Variants in SCFD2 observed in about 807,000 individuals in gnomAD.
The protein encoded by SCFD2 is sec1 family domain containing 2.
SCFD2 carries 54 observed loss-of-function variants against 58.9 expected under a neutral mutation model. That is an observed-to-expected ratio of 0.92 (90% confidence interval 0.74 to 1.15). The LOEUF is 1.15. Among genes scored for constraint, SCFD2 ranks in the 50% most tolerant of loss-of-function variants. The probability of loss-of-function intolerance (pLI) is 0.00; values close to 1 mark genes in which losing one functional copy is unlikely to be tolerated. For synonymous variants in SCFD2, 321 were observed against 335.9 expected, an observed-to-expected ratio of 0.96 and a Z score of 0.49; for missense variants, 805 against 836.6, an observed-to-expected ratio of 0.96 and a Z score of 0.47.
intron 4 of SCFD2, among the ~76,000 whole-genome samples, chr4:53,258,905 ATT>A (rs1288884146): frequency 4.9e-4 from 75 of 151,918 alleles, no homozygotes; most frequent in African/African-American, 1.7e-3. Context: ...TTATTTTTTT[ATT>A]ATGGCCATTC....
In SCFD2 at chr4:53,104,202, G is replaced by A. The variant is rs150380980; in HGVS notation, c.1561+41131C>T. Reference sequence around the variant, plus strand: ...GAGTAATTGTACAGTAGAGAAAACTGAAAAATGCTTCTTCAGCCAGGTGAT... The same window carrying A: ...GAGTAATTGTACAGTAGAGAAAACTAAAAAATGCTTCTTCAGCCAGGTGAT... On this transcript the variant is annotated intron_variant, in intron 5 of 8. Coordinates refer to ENST00000401642, the MANE Select transcript of SCFD2 (RefSeq NM_152540.4). Among the ~76,000 whole-genome samples, 766 of 152,184 alleles carry A rather than the reference G, an allele frequency of 5.0e-3. 6 individuals carry two copies. Among genetic ancestry groups the A allele is most frequent in the African/African-American group, 0.017 (722 of 41,518 alleles).
At chr4:53,249,188 C>T (rs1317349878) in intron 4 of SCFD2, among the ~76,000 whole-genome samples, 1 of 152,044 alleles carries the variant, frequency 6.6e-6, no homozygotes, top group Non-Finnish European at 1.5e-5. Context: ...ATGAGATAAA[C>T]TGGAAGAAAG....
chr4:53,363,838 A>AG (rs1443114863), intron 1 of SCFD2, among the ~76,000 whole-genome samples: 1 of 151,834 alleles, frequency 6.6e-6, no homozygotes, highest in Non-Finnish European at 1.5e-5. Context: ...AAAAAAAAAA[A>AG]AAAAAAGCAT....
intron 4 of SCFD2, among the ~76,000 whole-genome samples, chr4:53,228,848 A>T (rs1246852135): frequency 2.0e-5 from 3 of 152,250 alleles, no homozygotes; most frequent in Non-Finnish European, 4.4e-5. Context: ...TTTGCAGATG[A>T]CATGATTGTA....
chr4:53,249,082 T>C (rs1406866261), intron 4 of SCFD2, among the ~76,000 whole-genome samples: 3 of 152,076 alleles, frequency 2.0e-5, no homozygotes, highest in East Asian at 3.9e-4. Flanking sequence ...TTGTATTAAA[T>C]AGAATAACCA....
Position 53,271,611 on chromosome 4 carries a change from C to T in SCFD2, c.1311+2215G>A, listed in dbSNP as rs569897868. Among the ~76,000 whole-genome samples the T allele has an allele frequency of 7.9e-5, 12 of 151,948 alleles. No homozygotes were observed. In the East Asian group the frequency reaches 9.7e-4, roughly 12 times the overall value. Reference sequence around the variant, plus strand: ...CCGAGTAGCTGGGACTACAGAGGACCGCCACCACACCCAGCTAATTTTTGT... The same window carrying T: ...CCGAGTAGCTGGGACTACAGAGGACTGCCACCACACCCAGCTAATTTTTGT... On this transcript the variant is annotated intron_variant, in intron 4 of 8. Transcript: ENST00000401642.
intron 4 of SCFD2, among the ~76,000 whole-genome samples, chr4:53,226,965 C>T (rs1217016275): frequency 6.6e-6 from 1 of 152,164 alleles, no homozygotes; most frequent in African/African-American, 2.4e-5. Flanking sequence ...AAAAAGGTAT[C>T]CCTAATGAGG....
At chr4:53,307,531 T>C (rs1732554577) in intron 3 of SCFD2, among the ~76,000 whole-genome samples, 1 of 152,150 alleles carries the variant, frequency 6.6e-6, no homozygotes, top group South Asian at 2.1e-4. Flanking sequence ...TCAGAAGACA[T>C]TAAACACACC....
intron 4 of SCFD2, among the ~76,000 whole-genome samples, chr4:53,165,836 A>G (rs1726990783): frequency 6.6e-6 from 1 of 152,262 alleles, no homozygotes; most frequent in Non-Finnish European, 1.5e-5. Context: ...GGATGACTGA[A>G]TAAATGAAGT....
intron 3 of SCFD2, among the ~76,000 whole-genome samples, chr4:53,305,223 G>T (rs1171466687): frequency 6.6e-6 from 1 of 151,804 alleles, no homozygotes; most frequent in Admixed American, 6.6e-5. Context: ...CATTGCCAAC[G>T]CCAGTGTCAG....
At chr4:53,031,729 T>C (rs1722619884) in intron 5 of SCFD2, among the ~76,000 whole-genome samples, 1 of 151,758 alleles carries the variant, frequency 6.6e-6, no homozygotes, top group Non-Finnish European at 1.5e-5. Context: ...TAAGACAAGA[T>C]TAGAGAAAAA....
At chr4:52,976,442 C>T (rs1335194117) in intron 5 of SCFD2, among the ~76,000 whole-genome samples, 1 of 152,164 alleles carries the variant, frequency 6.6e-6, no homozygotes, top group Non-Finnish European at 1.5e-5. Context: ...CAAGCTTTCT[C>T]TTTAATCACA....
chr4:52,944,543 T>C (rs1264087622), intron 5 of SCFD2, among the ~76,000 whole-genome samples: 1 of 152,188 alleles, frequency 6.6e-6, no homozygotes, highest in Non-Finnish European at 1.5e-5. Flanking sequence ...TGTAAAGAGA[T>C]AGATGTCATG....
intron 4 of SCFD2, among the ~76,000 whole-genome samples, chr4:53,211,695 G>A (rs1418375101): frequency 2.6e-5 from 4 of 152,038 alleles, no homozygotes; most frequent in Non-Finnish European, 5.9e-5. Context: ...AAATCCCCAC[G>A]CATTTGGTCA....
intron 4 of SCFD2, among the ~76,000 whole-genome samples, chr4:53,269,249 C>T (rs1234959627): frequency 1.3e-5 from 2 of 152,024 alleles, no homozygotes; most frequent in African/African-American, 2.4e-5. Context: ...CACTTGAGCC[C>T]GGGATGTCGA....
rs549414660 is a variant in SCFD2 at position 53,063,252 on chromosome 4, A to T, written c.1561+82081T>A. 1.9e-4 allele frequency among the ~76,000 whole-genome samples: 29 copies of T among 152,252 alleles called. No individual in the cohort carries two copies. The East Asian group carries it at 5.4e-3, about 28-fold the overall frequency. Reference sequence around the variant, plus strand: ...TTTATTTACAAACAGTGATCTTAGGACTTTCACCTTTCAACATGTAAAACT... The same window carrying T: ...TTTATTTACAAACAGTGATCTTAGGTCTTTCACCTTTCAACATGTAAAACT... On this transcript the variant is annotated intron_variant, in intron 5 of 8. Transcript: ENST00000401642.
chr4:52,953,643 G>C lies in SCFD2; in HGVS notation c.1562-32773C>G, dbSNP rs1720650608. Among the ~76,000 whole-genome samples the C allele has an allele frequency of 1.3e-5, 2 of 152,184 alleles. 1 individual carries two copies. The highest frequency in any genetic ancestry group is 4.1e-4 in the South Asian group (2 of 4,830). On this transcript the variant is annotated intron_variant, in intron 5 of 8. Coordinates refer to ENST00000401642, the MANE Select transcript of SCFD2 (RefSeq NM_152540.4). ...TGAATGAGAAGATGAACCTGAAACT[G>C]CTTTGTCAAGTGTCAAGGGCTGCAC... is the stretch of plus-strand genomic sequence containing the variant.
chr4:53,207,262 C>T (rs1434537145), intron 4 of SCFD2, among the ~76,000 whole-genome samples: 1 of 146,154 alleles, frequency 6.8e-6, no homozygotes, highest in Non-Finnish European at 1.5e-5. Flanking sequence ...TTGGGGGACA[C>T]ATTCAAACCA....
intron 4 of SCFD2, among the ~76,000 whole-genome samples, chr4:53,219,211 T>C (rs1728965328): frequency 6.6e-6 from 1 of 152,330 alleles, no homozygotes; most frequent in African/African-American, 2.4e-5. Context: ...CTGCCTTTTG[T>C]TCAGCTATGC....
Sources: gnomAD v4.1 joint callset for allele counts (sites outside exome capture counted in the v4.1 genomes callset) on GRCh38, gnomAD v4.1.1 for gene constraint, MANE v1.5 for transcripts, NCBI Gene and HGNC (gene_info 2026-07-23, HGNC 2026-07-21) for gene names.